Variants in B4GALT2 observed in about 807,000 individuals in gnomAD.
B4GALT2 encodes the protein beta-1,4-galactosyltransferase 2, also known as N-acetyllactosamine synthase.
A neutral mutation model predicts 33.2 loss-of-function variants in B4GALT2; 18 were observed. The ratio of observed to expected loss-of-function variants is 0.54; its 90% CI spans 0.38 to 0.80. B4GALT2 has a LOEUF of 0.80. B4GALT2 is among the 30% of genes least tolerant of loss of function. The pLI, the probability that B4GALT2 is intolerant of heterozygous loss-of-function variation, is 0.00. For missense variants in B4GALT2, 404 were observed against 526.2 expected (o/e 0.77, Z 2.27); for synonymous variants, 214 against 217.6 (o/e 0.98, Z 0.15).
chr1:43,982,602 G>A lies in B4GALT2; in HGVS notation c.549+678G>A, dbSNP rs1412337426. ...TTCTAGGCAGAGGGACCTGGAGGAT[G>A]CAGGGCCAGCAAGATAACTGGCCTC... On this transcript the variant is annotated intron_variant, in intron 3 of 6. Coordinates refer to ENST00000372324, the MANE Select transcript of B4GALT2 (RefSeq NM_003780.5). The surrounding 1 kb of genome is among the most constrained non-coding windows in gnomAD (Gnocchi z 4.3). 6.6e-6 allele frequency among the ~76,000 whole-genome samples: 1 copy of A among 152,240 alleles called. No homozygotes were observed. The highest frequency in any genetic ancestry group is 2.4e-5 in the African/African-American group (1 of 41,466).
chr1:43,986,411 G>A (rs2085660053), intron 6 of B4GALT2, among the ~76,000 whole-genome samples: 1 of 152,208 alleles, frequency 6.6e-6, no homozygotes, highest in Non-Finnish European at 1.5e-5. Flanking sequence ...TGGTAACCTG[G>A]AGTTTGAAAT....
rs116641710 is a variant in B4GALT2 at position 43,982,873 on chromosome 1, G to A, written c.549+949G>A. ...ATGGAGAGGGGAGATTAGAGACAGCGTGGCCCGTTTGGAAGAGAGGACGAT... is the reference window on the plus strand; with the variant it reads ...ATGGAGAGGGGAGATTAGAGACAGCATGGCCCGTTTGGAAGAGAGGACGAT... On this transcript the variant is annotated intron_variant, in intron 3 of 6. Coordinates refer to ENST00000372324, the MANE Select transcript of B4GALT2 (RefSeq NM_003780.5). The surrounding 1 kb of genome is among the most constrained non-coding windows in gnomAD (Gnocchi z 4.3). Among the ~76,000 whole-genome samples, 1,589 of 152,298 alleles carry A rather than the reference G, an allele frequency of 0.01. 37 individuals carry two copies. Among genetic ancestry groups the A allele is most frequent in the African/African-American group, 0.037 (1,548 of 41,552 alleles).
Position 43,990,742 on chromosome 1 carries a change from T to C in B4GALT2, c.*294T>C. ...GGGTCGGGCCAGCCCCTGCACTGCC[T>C]CGCAGAGTGGCCTGGGCTAGGTCAC... On this transcript the variant is annotated 3_prime_UTR_variant, in exon 7 of 7. Coordinates refer to ENST00000372324, the MANE Select transcript of B4GALT2 (RefSeq NM_003780.5). 1 of 437,250 alleles carries C rather than the reference T, an allele frequency of 2.3e-6. No individual in the cohort carries two copies. The highest frequency in any genetic ancestry group is 4.5e-5 in the East Asian group (1 of 22,450). 27.1% of individuals were successfully genotyped at this position (437,250 alleles called of 1,614,324 possible).
rs1374272412 is a variant in B4GALT2 at position 43,979,945 on chromosome 1, G to C, written c.-53+434G>C. On this transcript the variant is annotated intron_variant, in intron 1 of 6. Transcript: ENST00000372324. This position sits in a 1 kb window ranked among gnomAD's most constrained non-coding sequence, Gnocchi z 4.8. ...GCCGCCAGCCTGACCCAGAACCCCTGCGCCGGAGGGAGGGTGGGAATGTCT... is the reference window on the plus strand; with the variant it reads ...GCCGCCAGCCTGACCCAGAACCCCTCCGCCGGAGGGAGGGTGGGAATGTCT... The C allele has an allele frequency of 9.9e-6, 15 of 1,520,028 alleles. No homozygotes were observed. The highest frequency in any genetic ancestry group is 1.3e-5 in the Non-Finnish European group (15 of 1,136,554). The allele number at this position is 1,520,028 out of a possible 1,614,324, so 94.2% of individuals were successfully genotyped here.
In B4GALT2 at chr1:43,982,702, G is replaced by T. The variant is rs1301405142; in HGVS notation, c.549+778G>T. Among the ~76,000 whole-genome samples, 4 of 152,336 alleles carry T rather than the reference G, an allele frequency of 2.6e-5. No homozygotes were observed. In the South Asian group the frequency reaches 8.3e-4, roughly 32 times the overall value. On this transcript the variant is annotated intron_variant, in intron 3 of 6. Coordinates refer to ENST00000372324, the MANE Select transcript of B4GALT2 (RefSeq NM_003780.5). This position sits in a 1 kb window ranked among gnomAD's most constrained non-coding sequence, Gnocchi z 4.3. ...TAGCAAAGATGAGGCTGGAGGAGTT[G>T]GAAGTCAAACTGAGAAATGTCTTGG...
Position 43,981,352 on chromosome 1 carries a change from C to T in B4GALT2, c.192C>T (p.Ser64=). The T allele has an allele frequency of 6.2e-7, 1 of 1,600,040 alleles. No individual in the cohort carries two copies. Among genetic ancestry groups the T allele is most frequent in the Non-Finnish European group, 8.5e-7 (1 of 1,179,850 alleles). ...CAGCTGCTAGCAGCAGCAGCAGCAG[C>T]AGCAACTGCTCCCGGCCCAACGCCA... The part of the protein sequence containing the change: ...LHPAASSSSS[S]SNCSRPNATA... The change falls in exon 2 of 7, where the codon AGC becomes AGT. Residue 64 remains serine (S), a synonymous_variant. Transcript: ENST00000372324. The surrounding 1 kb of genome is among the most constrained non-coding windows in gnomAD (Gnocchi z 8.1).
At chr1:43,983,815 G>A (rs904503735) in intron 3 of B4GALT2, among the ~76,000 whole-genome samples, 4 of 152,172 alleles carry the variant, frequency 2.6e-5, no homozygotes, top group African/African-American at 9.7e-5. Context: ...TCCAAGGGCT[G>A]GGGGAAGAGG....
Position 43,981,399 on chromosome 1 carries a change from C to T in B4GALT2, c.239C>T (p.Pro80Leu), listed in dbSNP as rs928961448. The change falls in exon 2 of 7, where the codon CCT (proline) becomes CTT (leucine). Residue 80 changes from proline to leucine, a missense_variant. By Grantham distance (98) the Pro-to-Leu change is moderately conservative. Transcript: ENST00000372324. The surrounding 1 kb of genome is among the most constrained non-coding windows in gnomAD (Gnocchi z 8.1). ...GCCACCGCCTCTAGCTCCGGGCTCC[C>T]TGAGGTCCCCAGTGCCCTGCCCGGT... ...PNATASSSGL[P>L]EVPSALPGPT... is the part of the protein sequence containing the mutation. 1.9e-6 allele frequency: 3 copies of T among 1,598,660 alleles called. No homozygotes were observed. Among genetic ancestry groups the T allele is most frequent in the Non-Finnish European group, 2.5e-6 (3 of 1,179,700 alleles).
At position 43,984,074 on chromosome 1, in the gene B4GALT2, G is replaced by A. The variant is rs2085630249; in HGVS notation, c.550-791G>A. 6.6e-6 allele frequency among the ~76,000 whole-genome samples: 1 copy of A among 152,234 alleles called. No individual in the cohort carries two copies. The highest frequency in any genetic ancestry group is 1.5e-5 in the Non-Finnish European group (1 of 68,032). ...CACTGAATGCTCCCTGCTAGTCCTA[G>A]TCCAGAGTCTGGTGCTTAGGCCTAC... On this transcript the variant is annotated intron_variant, in intron 3 of 6. Transcript: ENST00000372324. The surrounding 1 kb of genome is among the most constrained non-coding windows in gnomAD (Gnocchi z 5.6).
rs2085640626 is a variant in B4GALT2 at position 43,985,053 on chromosome 1, C to G, written c.738C>G (p.Phe246Leu). 6.2e-7 allele frequency: 1 copy of G among 1,613,598 alleles called. No homozygotes were observed. The highest frequency in any genetic ancestry group is 1.3e-5 in the African/African-American group (1 of 75,022). Residue 246 changes from phenylalanine (F) to leucine (L), a missense_variant and splice_region_variant, in exon 4 of 7, where the codon TTC (phenylalanine) becomes TTG (leucine). Phe to Leu is a conservative substitution (Grantham distance 22). Transcript: ENST00000372324. ...CCATTGCCATGGACAAGTTTGGCTTCCGGTGAGGGCTCTCTTCTCAGCTGG... is the reference window on the plus strand; with the variant it reads ...CCATTGCCATGGACAAGTTTGGCTTGCGGTGAGGGCTCTCTTCTCAGCTGG... The part of the protein sequence containing the change: ...HFAIAMDKFG[F>L]RLPYAGYFGG...
rs747534760 is a variant in B4GALT2, at chr1:43,984,850, C to T, written c.550-15C>T. 18 of 1,610,682 alleles carry T rather than the reference C, an allele frequency of 1.1e-5. No homozygotes were observed. In the Admixed American group the frequency reaches 2.8e-4, roughly 25 times the overall value. On this transcript the variant is annotated splice_polypyrimidine_tract_variant and intron_variant, in intron 3 of 6. Transcript: ENST00000372324. The surrounding 1 kb of genome is among the most constrained non-coding windows in gnomAD (Gnocchi z 5.6). ...GTCACAGGCCCAGGGTTGACCTGCT[C>T]CTCCCCCTACCCAGCATGGTGAGGA...
chr1:43,987,433 C>G (rs946669557), intron 6 of B4GALT2, among the ~76,000 whole-genome samples: 5 of 152,172 alleles, frequency 3.3e-5, no homozygotes, highest in African/African-American at 1.2e-4. Flanking sequence ...ATACCAGATT[C>G]ACAGAGTTCA....
rs1006311792 is a variant in B4GALT2 at position 43,979,660 on chromosome 1, A to C, written c.-53+149A>C. On this transcript the variant is annotated intron_variant, in intron 1 of 6. Transcript: ENST00000372324. The surrounding 1 kb of genome is among the most constrained non-coding windows in gnomAD (Gnocchi z 4.8). Reference sequence around the variant, plus strand: ...GCCAGACCCCGGCCTGGCTGCCCCCACCCCGCCCCCACTCCGGCGCCCCTC... The same window carrying C: ...GCCAGACCCCGGCCTGGCTGCCCCCCCCCCGCCCCCACTCCGGCGCCCCTC... 10 of 165,220 alleles carry C rather than the reference A, an allele frequency of 6.1e-5. No homozygotes were observed. The highest frequency in any genetic ancestry group is 3.3e-4 in the South Asian group (2 of 6,078). 10.2% of individuals were successfully genotyped at this position (165,220 alleles called of 1,614,324 possible).
Position 43,981,174 on chromosome 1 carries a change from T to TG in B4GALT2, c.21dup (p.Thr8AspfsTer26), listed in dbSNP as rs759490732. ...GCCGCCTGCGGGATGAGCAGACTGC[T>TG]GGGGGGGACGCTGGAGCGCGTCTGC... On this transcript the variant is annotated frameshift_variant, in exon 2 of 7. Transcript: ENST00000372324. LOFTEE classifies it high-confidence loss of function. The surrounding 1 kb of genome is among the most constrained non-coding windows in gnomAD (Gnocchi z 8.1). 4.4e-6 allele frequency: 7 copies of TG among 1,599,774 alleles called. No individual in the cohort carries two copies. The highest frequency in any genetic ancestry group is 3.4e-6 in the Non-Finnish European group (4 of 1,179,712).
intron 4 of B4GALT2, 77 bp from the exon 5 acceptor site, chr1:43,985,201 C>G (rs2085642908): frequency 4.5e-6 from 7 of 1,562,306 alleles, no homozygotes; most frequent in South Asian, 3.6e-5. Flanking sequence ...ATTGGACATT[C>G]CCCCCGACCT....
chr1:43,985,061 G>C lies in B4GALT2; in HGVS notation c.740+6G>C. 6.2e-7 allele frequency: 1 copy of C among 1,613,336 alleles called. No homozygotes were observed. Among genetic ancestry groups the C allele is most frequent in the Non-Finnish European group, 8.5e-7 (1 of 1,179,812 alleles). ...ATGGACAAGTTTGGCTTCCGGTGAG[G>C]GCTCTCTTCTCAGCTGGACCCAGCC... On this transcript the variant is annotated splice_donor_region_variant and intron_variant, in intron 4 of 6. Coordinates refer to ENST00000372324, the MANE Select transcript of B4GALT2 (RefSeq NM_003780.5).
chr1:43,984,743 G>A lies in B4GALT2; in HGVS notation c.550-122G>A. The A allele has an allele frequency of 5.9e-6, 6 of 1,023,670 alleles. No individual in the cohort carries two copies. Among genetic ancestry groups the A allele is most frequent in the African/African-American group, 4.8e-5 (3 of 62,058 alleles). 63.4% of individuals were successfully genotyped at this position (1,023,670 alleles called of 1,614,324 possible). A position where few individuals can be genotyped will look rare whatever the true frequency, so the allele number is the denominator to read the frequency against. ...CGAGAAGCTGGACTAGATCCTGAGA[G>A]CCTGGAGGAGCCATGCAGCGAGGGG... On this transcript the variant is annotated intron_variant, in intron 3 of 6. Coordinates refer to ENST00000372324, the MANE Select transcript of B4GALT2 (RefSeq NM_003780.5). The surrounding 1 kb of genome is among the most constrained non-coding windows in gnomAD (Gnocchi z 5.6).
rs765910641 is a variant in B4GALT2, at chr1:43,981,411, G to A, written c.251G>A (p.Ser84Asn). The A allele has an allele frequency of 6.3e-6, 10 of 1,597,908 alleles. No individual in the cohort carries two copies. The highest frequency in any genetic ancestry group is 6.8e-6 in the Non-Finnish European group (8 of 1,179,254). Residue 84 changes from serine (S) to asparagine (N), a missense_variant, in exon 2 of 7, where the codon AGT (serine) becomes AAT (asparagine). By Grantham distance (46) the Ser-to-Asn change is conservative. Transcript: ENST00000372324. The surrounding 1 kb of genome is among the most constrained non-coding windows in gnomAD (Gnocchi z 8.1). ...ASSSGLPEVP[S>N]ALPGPTAPTL... ...AGCTCCGGGCTCCCTGAGGTCCCCAGTGCCCTGCCCGGTCCCACGGCTCCC... is the reference window on the plus strand; with the variant it reads ...AGCTCCGGGCTCCCTGAGGTCCCCAATGCCCTGCCCGGTCCCACGGCTCCC...
At chr1:43,980,708 CAG>C in intron 1 of B4GALT2, 1 of 545,312 alleles carries the variant, frequency 1.8e-6, no homozygotes, top group Admixed American at 5.0e-5. Flanking sequence ...CTCAGGGGCA[CAG>C]GGGCACATGG....
Sources: allele counts gnomAD v4.1 joint callset (sites outside exome capture counted in the v4.1 genomes callset), GRCh38; gene constraint gnomAD v4.1.1; non-coding constraint Gnocchi (gnomAD v3.1); transcripts MANE v1.5; gene names NCBI Gene and HGNC (gene_info 2026-07-23, HGNC 2026-07-21).